The following CUL5 variants were observed in gnomAD, a reference collection of about 807,000 sequenced individuals.
CUL5 encodes the protein cullin 5.
In CUL5, 26 loss-of-function variants were observed where a neutral mutation model predicts 108.8. That is an observed-to-expected ratio of 0.24 (90% CI 0.18 to 0.33). The LOEUF (loss-of-function observed/expected upper bound fraction) is 0.33, where lower values mean the gene tolerates loss of function less well. Among genes scored for constraint, CUL5 ranks in the 10% least tolerant of loss-of-function variants. The pLI, the probability that CUL5 is intolerant of heterozygous loss-of-function variation, is 1.00. For synonymous variants in CUL5, 334 were observed against 298.0 expected, an observed-to-expected ratio of 1.12 and a Z score of -1.25; for missense variants, 524 against 909.2, an observed-to-expected ratio of 0.58 and a Z score of 5.45.
At chr11:108,068,818 C>T (rs1172437202) in intron 7 of CUL5, among the ~76,000 whole-genome samples, 2 of 152,184 alleles carry the variant, frequency 1.3e-5, no homozygotes, top group African/African-American at 2.4e-5. Context: ...GAGCACTAGA[C>T]CCTTGCTATC....
At chr11:108,089,962 C>T (rs1591329369) in intron 13 of CUL5, among the ~76,000 whole-genome samples, 1 of 151,922 alleles carries the variant, frequency 6.6e-6, no homozygotes, top group African/African-American at 2.4e-5. Flanking sequence ...ATCACTTGAA[C>T]CCAGGAGGTG....
rs1011470657 is a variant in CUL5 at position 108,107,441 on chromosome 11, G to A, written c.*3057G>A. The A allele has an allele frequency of 2.0e-5, 3 of 152,448 alleles. No individual in the cohort carries two copies. The highest frequency in any genetic ancestry group is 6.6e-5 in the Admixed American group (1 of 15,266). 9.4% of individuals were successfully genotyped at this position (152,448 alleles called of 1,614,324 possible). ...TTTTCTGTTCTCATGTAAGTGACTG[G>A]GATGCTGTCTTATGAATTCTTCCAA... On this transcript the variant is annotated 3_prime_UTR_variant, in exon 19 of 19. Transcript: ENST00000393094.
intron 7 of CUL5, among the ~76,000 whole-genome samples, chr11:108,062,114 C>G (rs983253790): frequency 1.3e-5 from 2 of 152,120 alleles, no homozygotes; most frequent in Non-Finnish European, 2.9e-5. Context: ...TATAATGTAA[C>G]CTATATGCAC....
Position 108,098,413 on chromosome 11 carries a change from G to A in CUL5, c.2032G>A (p.Ala678Thr). 1 of 1,601,900 alleles carries A rather than the reference G, an allele frequency of 6.2e-7. No homozygotes were observed. Among genetic ancestry groups the A allele is most frequent in the Non-Finnish European group, 8.5e-7 (1 of 1,175,730 alleles). Residue 678 changes from alanine (A) to threonine (T), a missense_variant, in exon 18 of 19, where the codon GCA (alanine) becomes ACA (threonine). Coordinates refer to ENST00000393094, the MANE Select transcript of CUL5 (RefSeq NM_003478.6). ...ATGCAATTCTTTTTGTAGAAAAAAT[G>A]CAAAGGTTCAGAAAAGGGGTAAAAT... is the stretch of plus-strand genomic sequence containing the variant. ...VNQEFSLIKN[A>T]KVQKRGKINL...
intron 1 of CUL5, among the ~76,000 whole-genome samples, chr11:108,010,416 A>G (rs534652180): frequency 9.8e-5 from 15 of 152,334 alleles, no homozygotes; most frequent in South Asian, 2.1e-4. Context: ...TTGATTGTCT[A>G]ATAGATGGGA....
intron 1 of CUL5, among the ~76,000 whole-genome samples, chr11:108,015,985 G>C (rs1462627756): frequency 6.6e-6 from 1 of 152,096 alleles, no homozygotes; most frequent in East Asian, 1.9e-4. Flanking sequence ...GCAGTGGCAT[G>C]ATCATGGCTC....
intron 16 of CUL5, 126 bp downstream of exon 16, chr11:108,095,817 C>T (rs899059101): frequency 3.1e-5 from 27 of 861,078 alleles, no homozygotes; most frequent in African/African-American, 1.2e-4. Flanking sequence ...AAATAGAGGC[C>T]GGGCACAGTG....
intron 18 of CUL5, among the ~76,000 whole-genome samples, chr11:108,102,066 G>T (rs1204330934): frequency 7.9e-5 from 12 of 152,230 alleles, no homozygotes; most frequent in African/African-American, 2.9e-4. Context: ...CTGTTGCCCA[G>T]GCTGGGGTGC....
intron 2 of CUL5, among the ~76,000 whole-genome samples, chr11:108,038,144 A>G (rs970382287): frequency 6.6e-6 from 1 of 152,236 alleles, no homozygotes; most frequent in South Asian, 2.1e-4. Context: ...ACATTCATGT[A>G]TACATATATT....
At chr11:108,082,096 T>G (rs1251078066) in intron 11 of CUL5, among the ~76,000 whole-genome samples, 1 of 152,240 alleles carries the variant, frequency 6.6e-6, no homozygotes, top group East Asian at 1.9e-4. Flanking sequence ...TTTTTGTTTT[T>G]CTTTCAGCAG....
intron 11 of CUL5, among the ~76,000 whole-genome samples, chr11:108,079,268 T>C (rs990013970): frequency 2.6e-5 from 4 of 152,070 alleles, no homozygotes; most frequent in African/African-American, 7.2e-5. Flanking sequence ...CATGCCTGGC[T>C]AATTTTTTTG....
At chr11:108,089,705 A>G in intron 13 of CUL5, 82 bp downstream of exon 13, 1 of 776,884 alleles carries the variant, frequency 1.3e-6, no homozygotes, top group Non-Finnish European at 1.9e-6. Context: ...TTTTGGAGAT[A>G]TTGTTAATGT....
intron 2 of CUL5, among the ~76,000 whole-genome samples, chr11:108,044,057 T>C (rs1415391589): frequency 2.0e-5 from 3 of 152,176 alleles, no homozygotes; most frequent in Non-Finnish European, 4.4e-5. Flanking sequence ...TGGCACATGA[T>C]AAGCAGTCAG....
intron 11 of CUL5, among the ~76,000 whole-genome samples, chr11:108,080,942 G>A (rs1864064131): frequency 6.7e-6 from 1 of 149,956 alleles, no homozygotes; most frequent in Admixed American, 6.6e-5. Flanking sequence ...TTTAGATCAT[G>A]AAGATTTATC....
At chr11:108,092,088 G>T (rs1864376422) in intron 13 of CUL5, among the ~76,000 whole-genome samples, 1 of 152,180 alleles carries the variant, frequency 6.6e-6, no homozygotes, top group Admixed American at 6.6e-5. Context: ...AATGAGCTGA[G>T]ATTGTGCCAC....
At chr11:108,069,529 G>A (rs993760349) in intron 7 of CUL5, among the ~76,000 whole-genome samples, 14 of 152,170 alleles carry the variant, frequency 9.2e-5, no homozygotes, top group Admixed American at 9.2e-4. Flanking sequence ...CTAGAAAAAA[G>A]TAGTTTCTAA....
At chr11:108,018,656 C>T (rs111256202) in intron 1 of CUL5, among the ~76,000 whole-genome samples, 32 of 151,952 alleles carry the variant, frequency 2.1e-4, no homozygotes, top group African/African-American at 6.3e-4. Flanking sequence ...GCCTGGGTGA[C>T]GGAGTGAGAC....
At chr11:108,056,433 T>C (rs534558591) in intron 7 of CUL5, among the ~76,000 whole-genome samples, 3 of 152,346 alleles carry the variant, frequency 2.0e-5, no homozygotes, top group Admixed American at 2.0e-4. Context: ...CACACCGAGT[T>C]GGATGTCTTT....
At chr11:108,088,500 A>G (rs758592760) in intron 11 of CUL5, 27 bp from the exon 12 acceptor site, 37 of 1,571,786 alleles carry the variant, frequency 2.4e-5, no homozygotes, top group Non-Finnish European at 2.9e-5. Flanking sequence ...TCATTTTTCC[A>G]TCAACTGCTT....
Sources: gnomAD v4.1 joint callset for allele counts (sites outside exome capture counted in the v4.1 genomes callset) on GRCh38, gnomAD v4.1.1 for gene constraint, MANE v1.5 for transcripts, NCBI Gene and HGNC (gene_info 2026-07-23, HGNC 2026-07-21) for gene names.